Variants in NBPF8 observed in about 807,000 individuals in gnomAD.
NBPF8 encodes NBPF member 8, also known as NBPF family member NBPF8.
chr1:120,428,772 C>T (rs1699844), intron 3 of NBPF8, among the ~76,000 whole-genome samples: 62,109 of 136,226 alleles, frequency 0.46, 16,063 homozygotes, highest in African/African-American at 0.66. Context: ...CATAACTGAG[C>T]GAGGCTGTAC....
rs1383167070 is a variant in NBPF8, at chr1:120,436,383, A to G, written n.31A>G. On this transcript the variant is annotated non_coding_transcript_exon_variant, in exon 1 of 25. Transcript: ENST00000583271. Reference sequence around the variant, plus strand: ...TGTGGGAGTGATCACATTTTTCACAACAGTAAGGTAAGAATTTCAGTTACT... The same window carrying G: ...TGTGGGAGTGATCACATTTTTCACAGCAGTAAGGTAAGAATTTCAGTTACT... The G allele has an allele frequency of 2.8e-3, 4,273 of 1,502,810 alleles. 11 individuals carry two copies. The highest frequency in any genetic ancestry group is 3.5e-3 in the Non-Finnish European group (3,899 of 1,112,542). 93.1% of individuals were successfully genotyped at this position (1,502,810 alleles called of 1,614,324 possible). A position where few individuals can be genotyped will look rare whatever the true frequency, so the allele number is the denominator to read the frequency against.
chr1:120,436,667 G>A lies in NBPF8; in HGVS notation n.315G>A, dbSNP rs199822737. 492 of 1,570,472 alleles carry A rather than the reference G, an allele frequency of 3.1e-4. 1 individual carries two copies. Among genetic ancestry groups the A allele is most frequent in the Non-Finnish European group, 3.8e-4 (432 of 1,144,536 alleles). ...GAGATGTTTTCTAACTCAACTGGCC[G>A]GCTTCCTGGCCAACCGACAGAAGAA... On this transcript the variant is annotated non_coding_transcript_exon_variant, in exon 1 of 25. Transcript: ENST00000583271.
intron 1 of NBPF8, among the ~76,000 whole-genome samples, chr1:120,421,569 TTTC>T (rs1421807606): frequency 2.0e-5 from 3 of 149,484 alleles, no homozygotes; most frequent in East Asian, 2.0e-4. Flanking sequence ...CCTTTCTTCC[TTTC>T]TTCTTTTCTT....
At chr1:120,429,603 G>T (rs1660819743) in intron 3 of NBPF8, among the ~76,000 whole-genome samples, 1 of 151,052 alleles carries the variant, frequency 6.6e-6, no homozygotes. Flanking sequence ...GAGGTGTCTG[G>T]GATGTAATGG....
intron 1 of NBPF8, among the ~76,000 whole-genome samples, chr1:120,425,571 G>C (rs1182934959): frequency 2.0e-5 from 3 of 152,198 alleles, no homozygotes; most frequent in Admixed American, 6.5e-5. Context: ...TCAGAGGCCA[G>C]TGCCAGCATG....
intron 1 of NBPF8, among the ~76,000 whole-genome samples, chr1:120,420,741 A>C (rs1660550651): frequency 1.4e-5 from 2 of 144,656 alleles, no homozygotes; most frequent in South Asian, 4.3e-4. Context: ...TTGGTTCCCC[A>C]GGACCTTGTG....
At chr1:120,428,116 A>G (rs1660771488) in intron 3 of NBPF8, among the ~76,000 whole-genome samples, 1 of 152,060 alleles carries the variant, frequency 6.6e-6, no homozygotes, top group Non-Finnish European at 1.5e-5. Context: ...TTCCTTTTTA[A>G]GATGATACGG....
intron 1 of NBPF8, among the ~76,000 whole-genome samples, chr1:120,424,738 G>A (rs1213117704): frequency 4.2e-5 from 6 of 143,768 alleles, no homozygotes; most frequent in Non-Finnish European, 7.6e-5. Context: ...ACGAGCCACG[G>A]CCTGACCTGA....
chr1:120,460,320 T>C (rs1339074621), intron 17 of NBPF8, among the ~76,000 whole-genome samples: 3 of 152,196 alleles, frequency 2.0e-5, no homozygotes, highest in Non-Finnish European at 4.4e-5. Flanking sequence ...CTCATTTGTG[T>C]ACATAAACCT....
downstream of NBPF8, among the ~76,000 whole-genome samples, chr1:120,468,266 A>C (rs1423899881): frequency 6.6e-6 from 1 of 151,508 alleles, no homozygotes; most frequent in Non-Finnish European, 1.5e-5. Context: ...TTTTTGGTTT[A>C]GATCCACAAT....
At chr1:120,454,035 T>G in exon 15 of NBPF8, 1 of 1,612,962 alleles carries the variant, frequency 6.2e-7, no homozygotes, top group South Asian at 1.1e-5. Flanking sequence ...AAATCACATT[T>G]GAGGAAGACA....
intron 17 of NBPF8, among the ~76,000 whole-genome samples, chr1:120,460,128 G>A (rs1291732630): frequency 7.9e-5 from 12 of 152,096 alleles, no homozygotes; most frequent in African/African-American, 2.7e-4. Flanking sequence ...ATGCTTCTGT[G>A]TAGAACCAAG....
At chr1:120,429,934 C>T (rs1351113264) in intron 3 of NBPF8, among the ~76,000 whole-genome samples, 1 of 150,988 alleles carries the variant, frequency 6.6e-6, no homozygotes, top group East Asian at 1.9e-4. Flanking sequence ...TGTATGATTA[C>T]CTTGTCATAC....
Position 120,452,116 on chromosome 1 carries a change from G to A in NBPF8, n.2075-1G>A, listed in dbSNP as rs1199736391. 2.5e-6 allele frequency: 4 copies of A among 1,587,392 alleles called. No individual in the cohort carries two copies. Among genetic ancestry groups the A allele is most frequent in the African/African-American group, 2.7e-5 (2 of 72,740 alleles). Reference sequence around the variant, plus strand: ...AAATTTTCTCTACCGTCTCACCTTAGGCAATATAAAGTCCTGGTTCACACT... The same window carrying A: ...AAATTTTCTCTACCGTCTCACCTTAAGCAATATAAAGTCCTGGTTCACACT... On this transcript the variant is annotated splice_acceptor_variant and non_coding_transcript_variant, in intron 12 of 24. Transcript: ENST00000583271.
chr1:120,422,686 G>A (rs1340364160), intron 1 of NBPF8, among the ~76,000 whole-genome samples: 6 of 139,556 alleles, frequency 4.3e-5, no homozygotes, highest in Non-Finnish European at 9.4e-5. Context: ...TAAAATTGCT[G>A]CAAGTACTTA....
chr1:120,434,704 G>A (rs1277514450), upstream of NBPF8, among the ~76,000 whole-genome samples: 5 of 148,126 alleles, frequency 3.4e-5, no homozygotes, highest in African/African-American at 1.0e-4. Context: ...AATAATATTT[G>A]TTGTTTTAAA....
chr1:120,421,479 CCTCT>C (rs1426041518), intron 1 of NBPF8, among the ~76,000 whole-genome samples: 3 of 150,238 alleles, frequency 2.0e-5, no homozygotes, highest in Non-Finnish European at 3.0e-5. Flanking sequence ...TCCCTTCCTC[CCTCT>C]CTCCCTGCCT....
At chr1:120,416,297 G>C (rs1285490277), upstream of NBPF8, among the ~76,000 whole-genome samples, 1 of 133,824 alleles carries the variant, frequency 7.5e-6, no homozygotes, top group Non-Finnish European at 1.6e-5. Flanking sequence ...TATACAGAGA[G>C]GTTCACAATT....
chr1:120,432,339 G>T (rs1167745079), upstream of NBPF8: 2 of 80,400 alleles, frequency 2.5e-5, no homozygotes, highest in Non-Finnish European at 4.8e-5. Context: ...GTGGGCTTTT[G>T]TTACATTCCA....
Sources: allele counts gnomAD v4.1 joint callset (sites outside exome capture counted in the v4.1 genomes callset), GRCh38; gene constraint gnomAD v4.1.1; transcripts MANE v1.5; gene names NCBI Gene and HGNC (gene_info 2026-07-23, HGNC 2026-07-21).